Variants in PROS1 observed in about 807,000 individuals in gnomAD.
PROS1 encodes the protein vitamin K-dependent protein S.
In PROS1, 29 loss-of-function variants were observed where a neutral mutation model predicts 75.9. The observed-to-expected ratio is 0.38, with a 90% confidence interval of 0.28 to 0.52. PROS1 has a LOEUF of 0.52. Among genes scored for constraint, PROS1 ranks in the 20% least tolerant of loss-of-function variants. PROS1 has a pLI of 0.83. For synonymous variants in PROS1, 245 were observed against 280.6 expected, an observed-to-expected ratio of 0.87 and a Z score of 1.27; for missense variants, 680 against 810.3, an observed-to-expected ratio of 0.84 and a Z score of 1.95.
At chr3:93,966,318 G>A (rs1052585656) in intron 1 of PROS1, among the ~76,000 whole-genome samples, 10 of 152,178 alleles carry the variant, frequency 6.6e-5, no homozygotes, top group Non-Finnish European at 1.0e-4. Flanking sequence ...GCTTAGGGAC[G>A]AAGTTCAAGC....
chr3:93,879,115 A>C (rs1353846066), intron 13 of PROS1, 48 bp downstream of exon 13: 1 of 1,549,284 alleles, frequency 6.5e-7, no homozygotes. Context: ...ATACATTTTA[A>C]AAAATGAAAA....
chr3:93,894,717 T>G (rs987116967), intron 9 of PROS1, among the ~76,000 whole-genome samples: 3 of 152,126 alleles, frequency 2.0e-5, no homozygotes, highest in African/African-American at 7.2e-5. Flanking sequence ...TATTTGATCA[T>G]GAGCAACAGA....
At chr3:93,906,237 C>G in intron 4 of PROS1, 94 bp from the exon 5 acceptor site, 1 of 1,327,766 alleles carries the variant, frequency 7.5e-7, no homozygotes, top group Non-Finnish European at 1.0e-6. Context: ...AGCCTAGAAC[C>G]AATGAAAAAA....
intron 10 of PROS1, 23 bp from the exon 11 acceptor site, chr3:93,886,526 C>G: frequency 6.4e-7 from 1 of 1,551,212 alleles, no homozygotes; most frequent in Non-Finnish European, 8.9e-7. Flanking sequence ...AGAAAAATTA[C>G]CAAATAACCA....
chr3:93,970,332 C>A (rs1709857544), intron 1 of PROS1, among the ~76,000 whole-genome samples: 1 of 152,014 alleles, frequency 6.6e-6, no homozygotes, highest in Non-Finnish European at 1.5e-5. Context: ...TAGACAGTAT[C>A]TATTTTATTT....
chr3:93,933,974 A>C (rs1291194376), intron 1 of PROS1, among the ~76,000 whole-genome samples: 1 of 147,652 alleles, frequency 6.8e-6, no homozygotes, highest in Non-Finnish European at 1.5e-5. Context: ...GTGCTGCTGC[A>C]CTCCAGCCTG....
chr3:93,910,640 C>A lies in PROS1; in HGVS notation c.325G>T (p.Asp109Tyr). The change falls in exon 4 of 15, where the codon GAC becomes TAC. Residue 109 changes from aspartate (D) to tyrosine (Y), a missense_variant. Coordinates refer to ENST00000394236, the MANE Select transcript of PROS1 (RefSeq NM_000313.4). Reference sequence around the variant, plus strand: ...TTACCATTGACACAGCTTCTTAGGTCAGGATAAGCATTAGTTGACTGACGT... The same window carrying A: ...TTACCATTGACACAGCTTCTTAGGTAAGGATAAGCATTAGTTGACTGACGT... The part of the protein sequence containing the change: ...AARQSTNAYP[D>Y]LRSCVNAIPD... 1 of 1,613,266 alleles carries A rather than the reference C, an allele frequency of 6.2e-7. No individual in the cohort carries two copies. The highest frequency in any genetic ancestry group is 1.1e-5 in the South Asian group (1 of 90,998).
chr3:93,916,291 T>C (rs887523138), intron 3 of PROS1, among the ~76,000 whole-genome samples: 1 of 152,196 alleles, frequency 6.6e-6, no homozygotes, highest in Non-Finnish European at 1.5e-5. Flanking sequence ...ATTAGAATCA[T>C]CGTTTTTGAG....
At chr3:93,954,764 G>T (rs542331481) in intron 1 of PROS1, among the ~76,000 whole-genome samples, 4 of 152,274 alleles carry the variant, frequency 2.6e-5, no homozygotes, top group African/African-American at 7.2e-5. Context: ...CACAGCAAAA[G>T]AAACTACCAT....
At chr3:93,955,899 T>C (rs1407323322) in intron 1 of PROS1, among the ~76,000 whole-genome samples, 1 of 152,208 alleles carries the variant, frequency 6.6e-6, no homozygotes, top group Non-Finnish European at 1.5e-5. Flanking sequence ...CTGATGAATA[T>C]GCACAATGGG....
chr3:93,912,582 A>C (rs1440976275), intron 3 of PROS1, among the ~76,000 whole-genome samples: 1 of 152,050 alleles, frequency 6.6e-6, no homozygotes, highest in Non-Finnish European at 1.5e-5. Flanking sequence ...ATCTGAGTCC[A>C]CTTTGTGTTG....
intron 10 of PROS1, among the ~76,000 whole-genome samples, chr3:93,887,861 T>C (rs540560942): frequency 6.6e-6 from 1 of 152,272 alleles, no homozygotes; most frequent in South Asian, 2.1e-4. Context: ...TTTGGAAAAT[T>C]TGGAGGTGAG....
At chr3:93,946,204 C>T (rs1051120567) in intron 1 of PROS1, among the ~76,000 whole-genome samples, 2 of 152,084 alleles carry the variant, frequency 1.3e-5, no homozygotes, top group Non-Finnish European at 2.9e-5. Context: ...TAGGAAGAAT[C>T]AATATCACGA....
intron 1 of PROS1, among the ~76,000 whole-genome samples, chr3:93,942,324 A>G (rs1171087443): frequency 6.6e-6 from 1 of 152,154 alleles, no homozygotes; most frequent in South Asian, 2.1e-4. Flanking sequence ...ATCCTGCACT[A>G]CCATGCTGTT....
Position 93,973,760 on chromosome 3 carries a change from G to A in PROS1, c.-11C>T, listed in dbSNP as rs765008272. ...ACCCAGGACCCTCATTTCGAAGCGC[G>A]CGGAGGCGCCGGCAGGGACGGTGGC... On this transcript the variant is annotated 5_prime_UTR_variant, in exon 1 of 15. Coordinates refer to ENST00000394236, the MANE Select transcript of PROS1 (RefSeq NM_000313.4). 1.2e-6 allele frequency: 2 copies of A among 1,609,134 alleles called. No individual in the cohort carries two copies. Among genetic ancestry groups the A allele is most frequent in the East Asian group, 2.2e-5 (1 of 44,658 alleles).
chr3:93,949,127 T>G (rs1288239387), intron 1 of PROS1, among the ~76,000 whole-genome samples: 2 of 152,206 alleles, frequency 1.3e-5, no homozygotes, highest in Non-Finnish European at 2.9e-5. Flanking sequence ...AATACATCGC[T>G]GCTGTCCTTA....
intron 3 of PROS1, among the ~76,000 whole-genome samples, chr3:93,912,929 C>T (rs186528573): frequency 6.6e-6 from 1 of 152,308 alleles, no homozygotes; most frequent in Non-Finnish European, 1.5e-5. Context: ...CTAGTATTTG[C>T]TCCAGCCCCC....
At chr3:93,886,644 A>T in intron 10 of PROS1, 141 bp from the exon 11 acceptor site, 2 of 719,582 alleles carry the variant, frequency 2.8e-6, no homozygotes, top group Non-Finnish European at 4.5e-6. Context: ...AATTTGTTAC[A>T]ACTCATTTGG....
At chr3:93,897,236 T>C (rs1169375469) in intron 8 of PROS1, among the ~76,000 whole-genome samples, 1 of 152,092 alleles carries the variant, frequency 6.6e-6, no homozygotes, top group Non-Finnish European at 1.5e-5. Flanking sequence ...TCAGATCTCA[T>C]AGTCTCCAAG....
Sources: gnomAD v4.1 joint callset for allele counts (sites outside exome capture counted in the v4.1 genomes callset) on GRCh38, gnomAD v4.1.1 for gene constraint, MANE v1.5 for transcripts, NCBI Gene and HGNC (gene_info 2026-07-23, HGNC 2026-07-21) for gene names.